Variants in FAM117B observed in about 807,000 individuals in gnomAD.
FAM117B encodes the protein family with sequence similarity 117 member B, also known as protein FAM117B.
FAM117B carries 22 observed loss-of-function variants against 52.8 expected under a neutral mutation model. The observed-to-expected ratio is 0.42, with a 90% CI of 0.30 to 0.59. The LOEUF is 0.59. Among genes scored for constraint, FAM117B ranks in the 20% least tolerant of loss-of-function variants. FAM117B has a pLI of 0.22. For synonymous variants in FAM117B, 309 were observed against 324.1 expected, an observed-to-expected ratio of 0.95 and a Z score of 0.50; for missense variants, 678 against 802.6, an observed-to-expected ratio of 0.84 and a Z score of 1.88.
Position 202,711,514 on chromosome 2 carries a change from AT to A in FAM117B, c.754-13401del, listed in dbSNP as rs765791211. ...TTGGGTTGTCTTTTTCACTCTGTTG[AT>A]TGTTTCCATTACTGTGCAGAAGCTT... is the stretch of plus-strand genomic sequence containing the variant. On this transcript the variant is annotated intron_variant, in intron 2 of 7. Coordinates refer to ENST00000392238, the MANE Select transcript of FAM117B (RefSeq NM_173511.4). 4.5e-4 allele frequency among the ~76,000 whole-genome samples: 68 copies of A among 152,064 alleles called. 1 individual carries two copies. The highest frequency in any genetic ancestry group is 1.3e-3 in the African/African-American group (55 of 41,510).
chr2:202,635,615 CGCCGCCGCTGCTGGGCACCGT>C lies in FAM117B; in HGVS notation c.430_450del (p.Pro144_Val150del). ...GGGAGCCCCCCACGGCCGCCGCCGC[CGCCGCCGCTGCTGGGCACCGT>C]GTCGTCGCCCAGCTCGTCGCCCACC... On this transcript the variant is annotated inframe_deletion, in exon 1 of 8. Transcript: ENST00000392238. 3 of 1,290,460 alleles carry C rather than the reference CGCCGCCGCTGCTGGGCACCGT, an allele frequency of 2.3e-6. No homozygotes were observed. Among genetic ancestry groups the C allele is most frequent in the Non-Finnish European group, 2.9e-6 (3 of 1,024,784 alleles). 79.9% of individuals were successfully genotyped at this position (1,290,460 alleles called of 1,614,324 possible).
chr2:202,648,980 C>T (rs1689913692), intron 1 of FAM117B, among the ~76,000 whole-genome samples: 1 of 150,466 alleles, frequency 6.6e-6, no homozygotes. Flanking sequence ...TCTCGAGCTC[C>T]TGACCTCGGG....
intron 2 of FAM117B, among the ~76,000 whole-genome samples, chr2:202,724,620 ACT>A (rs1055353427): frequency 6.6e-6 from 1 of 152,110 alleles, no homozygotes; most frequent in Admixed American, 6.5e-5. Flanking sequence ...AACTATGGTA[ACT>A]CTAGTTATTA....
chr2:202,762,781 GGAA>G (rs1283535563), intron 7 of FAM117B, among the ~76,000 whole-genome samples: 1 of 151,944 alleles, frequency 6.6e-6, no homozygotes, highest in African/African-American at 2.4e-5. Flanking sequence ...GGTAATGACA[GGAA>G]GAAGAAGGCA....
At chr2:202,730,487 T>C (rs976581437) in intron 4 of FAM117B, among the ~76,000 whole-genome samples, 3 of 152,034 alleles carry the variant, frequency 2.0e-5, no homozygotes, top group African/African-American at 7.2e-5. Flanking sequence ...CTGGGCAACA[T>C]GGCAAAACCC....
At chr2:202,667,215 C>T (rs532397262) in intron 1 of FAM117B, among the ~76,000 whole-genome samples, 15 of 152,134 alleles carry the variant, frequency 9.9e-5, no homozygotes, top group South Asian at 8.3e-4. Flanking sequence ...GTTCTCCTGC[C>T]TCACCCTTCC....
In FAM117B at chr2:202,755,592, G is replaced by A; in HGVS notation, c.1015G>A (p.Gly339Ser). 1 of 1,614,098 alleles carries A rather than the reference G, an allele frequency of 6.2e-7. No individual in the cohort carries two copies. The highest frequency in any genetic ancestry group is 8.5e-7 in the Non-Finnish European group (1 of 1,179,986). Residue 339 changes from glycine (G) to serine (S), a missense_variant, in exon 5 of 8, where the codon GGC becomes AGC. Coordinates refer to ENST00000392238, the MANE Select transcript of FAM117B (RefSeq NM_173511.4). ...IPVIPITKST[G>S]SRFRNSVEGL... ...TGTAATTCCCATCACCAAATCAACA[G>A]GCTCCCGGTTCCGGAATAGCGTGGA...
chr2:202,673,596 T>G (rs564958058), intron 1 of FAM117B, among the ~76,000 whole-genome samples: 1 of 151,688 alleles, frequency 6.6e-6, no homozygotes, highest in South Asian at 2.1e-4. Context: ...TACAGTTGCC[T>G]ACCACCACAC....
intron 2 of FAM117B, among the ~76,000 whole-genome samples, chr2:202,711,754 C>A (rs1690960824): frequency 6.6e-6 from 1 of 152,184 alleles, no homozygotes; most frequent in Non-Finnish European, 1.5e-5. Flanking sequence ...TTTCATTCTT[C>A]TGCATAAGAA....
chr2:202,756,405 C>G (rs1691801326), intron 5 of FAM117B, among the ~76,000 whole-genome samples: 1 of 151,928 alleles, frequency 6.6e-6, no homozygotes. Flanking sequence ...TCTTTACTGA[C>G]TAGAATACAC....
chr2:202,669,995 CTGTT>C (rs1690266707), intron 1 of FAM117B, among the ~76,000 whole-genome samples: 1 of 152,292 alleles, frequency 6.6e-6, no homozygotes, highest in South Asian at 2.1e-4. Context: ...TCATTTGGGT[CTGTT>C]TGTTAGCTTC....
intron 1 of FAM117B, among the ~76,000 whole-genome samples, chr2:202,654,939 A>G (rs1482751066): frequency 1.3e-5 from 2 of 151,900 alleles, no homozygotes; most frequent in African/African-American, 2.4e-5. Context: ...GTTTATATAT[A>G]TATATATTCT....
chr2:202,709,248 G>T (rs1690923351), intron 2 of FAM117B, among the ~76,000 whole-genome samples: 1 of 151,074 alleles, frequency 6.6e-6, no homozygotes, highest in Non-Finnish European at 1.5e-5. Flanking sequence ...TGTTGCCCAG[G>T]CTGGAGTACA....
intron 2 of FAM117B, among the ~76,000 whole-genome samples, chr2:202,696,585 T>G (rs1436537230): frequency 6.6e-6 from 1 of 152,218 alleles, no homozygotes; most frequent in Non-Finnish European, 1.5e-5. Flanking sequence ...CTTAAAAATT[T>G]GTAACAGCAA....
intron 7 of FAM117B, 150 bp downstream of exon 7, chr2:202,759,503 C>T: frequency 2.0e-6 from 2 of 1,020,028 alleles, no homozygotes; most frequent in Middle Eastern, 3.3e-4. Context: ...GTTATCTTCC[C>T]ACCTCAACCT....
chr2:202,758,325 A>C (rs1192004834), intron 6 of FAM117B, among the ~76,000 whole-genome samples: 1 of 152,196 alleles, frequency 6.6e-6, no homozygotes, highest in Non-Finnish European at 1.5e-5. Flanking sequence ...TTGGACTTTT[A>C]TTGCTAGCTT....
At chr2:202,765,197 G>A (rs1275635240) in intron 7 of FAM117B, among the ~76,000 whole-genome samples, 1 of 152,138 alleles carries the variant, frequency 6.6e-6, no homozygotes, top group Non-Finnish European at 1.5e-5. Flanking sequence ...GGCTGTCAAG[G>A]GAACTGAAAG....
intron 1 of FAM117B, among the ~76,000 whole-genome samples, chr2:202,639,443 G>A (rs573534632): frequency 6.6e-5 from 10 of 152,324 alleles, no homozygotes; most frequent in African/African-American, 2.4e-4. Context: ...AAAGCCGTTT[G>A]TCATTAGGAA....
chr2:202,713,316 A>G (rs1690984821), intron 2 of FAM117B, among the ~76,000 whole-genome samples: 1 of 152,198 alleles, frequency 6.6e-6, no homozygotes, highest in Admixed American at 6.5e-5. Context: ...GTATTGGCAT[A>G]TAGTTGCTCA....
Sources: allele counts gnomAD v4.1 joint callset (sites outside exome capture counted in the v4.1 genomes callset), GRCh38; gene constraint gnomAD v4.1.1; transcripts MANE v1.5; gene names NCBI Gene and HGNC (gene_info 2026-07-23, HGNC 2026-07-21).